The following ARHGEF10 variants were observed in gnomAD, a reference collection of about 807,000 sequenced individuals.
ARHGEF10 encodes Rho guanine nucleotide exchange factor 10.
A neutral mutation model predicts 147.4 loss-of-function variants in ARHGEF10; 140 were observed. The ratio of observed to expected loss-of-function variants is 0.95; its 90% CI spans 0.83 to 1.09. The LOEUF (loss-of-function observed/expected upper bound fraction) is 1.09. ARHGEF10 is among the 50% of genes least tolerant of loss of function. ARHGEF10 has a pLI of 0.00. For missense variants in ARHGEF10, 2,222 were observed against 1,752.7 expected (o/e 1.27, Z -4.78); for synonymous variants, 902 against 695.8 (o/e 1.30, Z -4.67).
chr8:1,941,399 C>T (rs1040131437), intron 26 of ARHGEF10, among the ~76,000 whole-genome samples: 3 of 152,048 alleles, frequency 2.0e-5, no homozygotes, highest in Non-Finnish European at 4.4e-5. Flanking sequence ...AATTTTTAAT[C>T]AAAAAGTGCA....
intron 23 of ARHGEF10, chr8:1,927,596 T>C (rs927398314): frequency 1.3e-5 from 2 of 152,332 alleles, no homozygotes; most frequent in Non-Finnish European, 2.9e-5. Flanking sequence ...AGGAAGTTCA[T>C]GTACACTGTT....
intron 8 of ARHGEF10, among the ~76,000 whole-genome samples, chr8:1,878,246 A>G (rs1000693832): frequency 1.3e-5 from 2 of 152,038 alleles, no homozygotes; most frequent in African/African-American, 2.4e-5. Context: ...CTGAAGTACA[A>G]TGGCGTGATC....
chr8:1,928,927 T>G (rs753158963), intron 24 of ARHGEF10, among the ~76,000 whole-genome samples: 1 of 152,176 alleles, frequency 6.6e-6, no homozygotes, highest in Non-Finnish European at 1.5e-5. Context: ...TTTATATTAA[T>G]GGTTTTGAAA....
Position 1,848,402 on chromosome 8 carries a change from C to T in ARHGEF10, c.37+4966C>T, listed in dbSNP as rs577557518. ...AACTCAGCTCTCCGACTCCAGAAGCCGTTCTCTAATCCACGACTCTGTACT... is the reference window on the plus strand; with the variant it reads ...AACTCAGCTCTCCGACTCCAGAAGCTGTTCTCTAATCCACGACTCTGTACT... On this transcript the variant is annotated intron_variant, in intron 2 of 28. Transcript: ENST00000349830. Among the ~76,000 whole-genome samples, 26 of 152,284 alleles carry T rather than the reference C, an allele frequency of 1.7e-4. No individual in the cohort carries two copies. In the South Asian group the frequency reaches 4.4e-3, roughly 25 times the overall value.
intron 26 of ARHGEF10, among the ~76,000 whole-genome samples, chr8:1,943,381 C>T (rs139922608): frequency 6.6e-6 from 1 of 152,272 alleles, no homozygotes; most frequent in Non-Finnish European, 1.5e-5. Context: ...GGGAGCTCTG[C>T]AGGTTGGAGG....
At chr8:1,877,578 G>T (rs1224839599) in intron 8 of ARHGEF10, among the ~76,000 whole-genome samples, 1 of 151,980 alleles carries the variant, frequency 6.6e-6, no homozygotes, top group African/African-American at 2.4e-5. Flanking sequence ...TTGTGGAAAA[G>T]TCTTGAGATT....
intron 25 of ARHGEF10, among the ~76,000 whole-genome samples, chr8:1,933,060 C>T (rs1813279959): frequency 6.6e-6 from 1 of 152,182 alleles, no homozygotes; most frequent in East Asian, 1.9e-4. Context: ...GCAACTCATA[C>T]TTGATATAAA....
chr8:1,955,231 G>A (rs931351575), intron 28 of ARHGEF10, among the ~76,000 whole-genome samples: 22 of 149,032 alleles, frequency 1.5e-4, no homozygotes, highest in African/African-American at 5.1e-5. Context: ...GAAAGGAGGT[G>A]CACTCTCACT....
rs1300800988 is a variant in ARHGEF10, at chr8:1,858,041, C to T, written c.119C>T (p.Pro40Leu). Residue 40 changes from proline to leucine, a missense_variant, in exon 3 of 29, where the codon CCA becomes CTA. Physicochemically the swap from Pro to Leu is moderately conservative, Grantham distance 98 (BLOSUM62 -3). Coordinates refer to ENST00000349830, the MANE Select transcript of ARHGEF10 (RefSeq NM_014629.4). ...QFDFDSGDEI[P>L]EADRQAPSAP... ...GATTTTGACAGTGGAGATGAAATCC[C>T]AGAAGCGGACAGACAGGCCCCATCC... 4 of 1,614,106 alleles carry T rather than the reference C, an allele frequency of 2.5e-6. No individual in the cohort carries two copies. The highest frequency in any genetic ancestry group is 2.2e-5 in the East Asian group (1 of 44,880).
intron 15 of ARHGEF10, among the ~76,000 whole-genome samples, chr8:1,899,299 G>T (rs1441521542): frequency 5.3e-5 from 8 of 152,252 alleles, no homozygotes; most frequent in Non-Finnish European, 1.0e-4. Flanking sequence ...CTCCAGGGAG[G>T]ATATTTCAAA....
chr8:1,933,802 G>A lies in ARHGEF10; in HGVS notation c.3082G>A (p.Gly1028Arg), dbSNP rs1430877616. ...AVASYARAPD[G>R]SWDSEPQKVI... ...GAAATGAAATATTTTCTTTTAAGAT[G>A]GATCCTGGGATTCAGAACCTCAAAA... The change falls in exon 26 of 29, where the codon GGA becomes AGA. Residue 1028 changes from glycine to arginine, a missense_variant and splice_region_variant. By Grantham distance (125) the Gly-to-Arg change is moderately radical. Coordinates refer to ENST00000349830, the MANE Select transcript of ARHGEF10 (RefSeq NM_014629.4). 4 of 1,614,156 alleles carry A rather than the reference G, an allele frequency of 2.5e-6. No homozygotes were observed. The highest frequency in any genetic ancestry group is 3.4e-6 in the Non-Finnish European group (4 of 1,180,026).
intron 26 of ARHGEF10, among the ~76,000 whole-genome samples, chr8:1,942,041 A>C (rs1336658389): frequency 1.3e-5 from 2 of 152,070 alleles, no homozygotes; most frequent in African/African-American, 4.8e-5. Flanking sequence ...GTAAATCCTC[A>C]TGATTTTGGA....
At chr8:1,884,854 T>G (rs960878864) in intron 10 of ARHGEF10, among the ~76,000 whole-genome samples, 7 of 152,160 alleles carry the variant, frequency 4.6e-5, no homozygotes, top group Middle Eastern at 3.2e-3. Flanking sequence ...AGCCTCCACC[T>G]CCTGGGTTCA....
chr8:1,855,723 C>T (rs1230672879), intron 2 of ARHGEF10, among the ~76,000 whole-genome samples: 5 of 152,080 alleles, frequency 3.3e-5, no homozygotes, highest in Admixed American at 6.5e-5. Flanking sequence ...ATTTTCGTCA[C>T]GGCATTTAGT....
At chr8:1,862,132 G>A (rs545698315) in intron 4 of ARHGEF10, among the ~76,000 whole-genome samples, 162 of 152,328 alleles carry the variant, frequency 1.1e-3, no homozygotes, top group African/African-American at 3.8e-3. Flanking sequence ...GTGGAAAAGC[G>A]TGGATTTGGT....
chr8:1,844,110 A>G (rs1461998282), intron 2 of ARHGEF10, among the ~76,000 whole-genome samples: 2 of 152,276 alleles, frequency 1.3e-5, no homozygotes, highest in South Asian at 2.1e-4. Flanking sequence ...CATGTTGCAC[A>G]TGGGCCTGGT....
In ARHGEF10 at chr8:1,957,317, C is replaced by G; in HGVS notation, c.*54C>G. ...TTTGCAATCAAGGGTGACTTCTCAG[C>G]TAATCCTACAGCCTGAGTGGTTAAG... On this transcript the variant is annotated 3_prime_UTR_variant, in exon 29 of 29. Coordinates refer to ENST00000349830, the MANE Select transcript of ARHGEF10 (RefSeq NM_014629.4). The G allele has an allele frequency of 1.3e-6, 2 of 1,578,086 alleles. No homozygotes were observed. Among genetic ancestry groups the G allele is most frequent in the South Asian group, 1.1e-5 (1 of 88,052 alleles).
At chr8:1,928,695 C>A in intron 24 of ARHGEF10, 45 bp downstream of exon 24, 1 of 1,600,814 alleles carries the variant, frequency 6.2e-7, no homozygotes, top group Non-Finnish European at 8.5e-7. Flanking sequence ...AAGCTCTGCC[C>A]ATGGAGGGCG....
At chr8:1,890,186 A>G (rs115404241) in intron 11 of ARHGEF10, among the ~76,000 whole-genome samples, 3,627 of 124,764 alleles carry the variant, frequency 0.029, 205 homozygotes, top group African/African-American at 0.1. Context: ...TTGTGAGGAG[A>G]CACTGAATAG....
Sources: allele counts gnomAD v4.1 joint callset (sites outside exome capture counted in the v4.1 genomes callset), GRCh38; gene constraint gnomAD v4.1.1; transcripts MANE v1.5; gene names NCBI Gene and HGNC (gene_info 2026-07-23, HGNC 2026-07-21).